The following OR10H1 variants were observed in gnomAD, a reference collection of about 807,000 sequenced individuals.
OR10H1 encodes olfactory receptor family 10 subfamily H member 1, also known as olfactory receptor 10H1.
A neutral mutation model predicts 13.1 loss-of-function variants in OR10H1; 12 were observed. The ratio of observed to expected loss-of-function variants is 0.92; its 90% CI spans 0.59 to 1.48. The LOEUF is 1.48. Among genes scored for constraint, OR10H1 ranks in the 40% most tolerant of loss-of-function variants. The pLI, the probability that OR10H1 is intolerant of heterozygous loss-of-function variation, is 0.00. For synonymous variants in OR10H1, 168 were observed against 175.6 expected, an observed-to-expected ratio of 0.96 and a Z score of 0.34; for missense variants, 363 against 413.1, an observed-to-expected ratio of 0.88 and a Z score of 1.05.
rs752871567 is a variant in OR10H1, at chr19:15,807,056, T to A, written c.*25A>T. ...TTAACAATAGCCTTCGGTAATCCAA[T>A]TTAGTTGTTCCCAGTGAATTTCTCC... On this transcript the variant is annotated 3_prime_UTR_variant, in exon 4 of 4. Coordinates refer to ENST00000641419, the MANE Select transcript of OR10H1 (RefSeq NM_013940.4). 8.2e-6 allele frequency: 13 copies of A among 1,582,630 alleles called. No individual in the cohort carries two copies. The highest frequency in any genetic ancestry group is 1.1e-5 in the Non-Finnish European group (13 of 1,156,832).
At position 15,807,147 on chromosome 19, in the gene OR10H1, C is replaced by T; in HGVS notation, c.891G>A (p.Glu297=). Residue 297 remains glutamate, a synonymous_variant, in exon 4 of 4, where the codon GAG becomes GAA. Coordinates refer to ENST00000641419, the MANE Select transcript of OR10H1 (RefSeq NM_013940.4). ...AGGTCTTCTTCATGGCGACCTTCAG[C>T]TCCTTGTTCCTGAGGCTGAAGATGA... The part of the protein sequence containing the change: ...SPIIFSLRNK[E]LKVAMKKTFF... 1.9e-6 allele frequency: 3 copies of T among 1,614,160 alleles called. No individual in the cohort carries two copies. The highest frequency in any genetic ancestry group is 2.5e-6 in the Non-Finnish European group (3 of 1,180,032).
In OR10H1 at chr19:15,813,324, T is replaced by C. The variant is rs561337991; in HGVS notation, c.-777-446A>G. Among the ~76,000 whole-genome samples, 3 of 152,294 alleles carry C rather than the reference T, an allele frequency of 2.0e-5. No homozygotes were observed. The East Asian group carries it at 5.8e-4, about 29-fold the overall frequency. On this transcript the variant is annotated intron_variant, in intron 1 of 3. Coordinates refer to ENST00000641419, the MANE Select transcript of OR10H1 (RefSeq NM_013940.4). The stretch of plus-strand genomic sequence containing the variant: ...AAAACAAAACCAAACCCATGGTGGA[T>C]GTGGGACTAGGATAGCAGCGAGGAG...
At position 15,808,060 on chromosome 19, in the gene OR10H1, T is replaced by C. The variant is rs1214606334; in HGVS notation, c.-11-12A>G. On this transcript the variant is annotated splice_polypyrimidine_tract_variant and intron_variant, in intron 3 of 3. Transcript: ENST00000641419. ...CATGGAGGCTGTGCCTGGGGTGAGA[T>C]GTGACAGGGAGATGTCAGTTACTGC... The C allele has an allele frequency of 1.3e-6, 2 of 1,589,204 alleles. No homozygotes were observed.
chr19:15,810,751 G>A (rs1259804810), intron 2 of OR10H1, among the ~76,000 whole-genome samples: 3 of 152,176 alleles, frequency 2.0e-5, no homozygotes, highest in Non-Finnish European at 4.4e-5. Context: ...ACTAGGCAAA[G>A]GTGGTGTTAG....
chr19:15,807,758 A>G lies in OR10H1; in HGVS notation c.280T>C (p.Phe94Leu), dbSNP rs908067741. 25 of 1,610,530 alleles carry G rather than the reference A, an allele frequency of 1.6e-5. 1 individual carries two copies. The highest frequency in any genetic ancestry group is 2.0e-5 in the Non-Finnish European group (23 of 1,177,372). ...DLLSTQRSIA[F>L]LACASQMFFS... ...AACATCTGACTGGCACAGGCCAGGA[A>G]GGCGATGGAGCGCTGGGTGGACAGC... The change falls in exon 4 of 4, where the codon TTC becomes CTC. Residue 94 changes from phenylalanine to leucine, a missense_variant. Transcript: ENST00000641419.
rs534351512 is a variant in OR10H1 at position 15,806,979 on chromosome 19, G to C, written c.*102C>G. Reference sequence around the variant, plus strand: ...TGACCTCAGGTGATCCGCCTGCCTCGGCCTCCCAAAGTGCTGGGATTACAG... The same window carrying C: ...TGACCTCAGGTGATCCGCCTGCCTCCGCCTCCCAAAGTGCTGGGATTACAG... On this transcript the variant is annotated 3_prime_UTR_variant, in exon 4 of 4. Transcript: ENST00000641419. The C allele has an allele frequency of 4.5e-6, 5 of 1,104,406 alleles. No individual in the cohort carries two copies. The highest frequency in any genetic ancestry group is 6.6e-6 in the Non-Finnish European group (5 of 759,708). 68.4% of individuals were successfully genotyped at this position (1,104,406 alleles called of 1,614,324 possible). A position where few individuals can be genotyped will look rare whatever the true frequency, so the allele number is the denominator to read the frequency against.
chr19:15,813,581 G>A (rs2088946954), intron 1 of OR10H1, among the ~76,000 whole-genome samples: 1 of 144,696 alleles, frequency 6.9e-6, no homozygotes, highest in African/African-American at 2.6e-5. Flanking sequence ...AGACAGAGAG[G>A]TGGAGACACA....
rs755033326 is a variant in OR10H1 at position 15,807,718 on chromosome 19, A to G, written c.320T>C (p.Phe107Ser). The change falls in exon 4 of 4, where the codon TTC becomes TCC. Residue 107 changes from phenylalanine to serine, a missense_variant. Physicochemically the swap from Phe to Ser is radical, Grantham distance 155 (BLOSUM62 -2). This residue lies in a region of OR10H1 where 318 missense variants were observed against 366.6 expected (regional missense o/e 0.87). Coordinates refer to ENST00000641419, the MANE Select transcript of OR10H1 (RefSeq NM_013940.4). ...GAGCAGGAAGGAGTGGGTGAAGCCG[A>G]AGCTGAAGGAGAAGAACATCTGACT... is the stretch of plus-strand genomic sequence containing the variant. ...CASQMFFSFS[F>S]GFTHSFLLTV... 74 of 1,613,628 alleles carry G rather than the reference A, an allele frequency of 4.6e-5. No homozygotes were observed. The highest frequency in any genetic ancestry group is 5.8e-5 in the Non-Finnish European group (69 of 1,179,750).
In OR10H1 at chr19:15,806,127, C is replaced by G. The variant is rs1007645537; in HGVS notation, c.*954G>C. ...GTGGGGCATGAAATCTTCCCTCTCT[C>G]TTTGCATTGCTGGTTTGCATTATTG... On this transcript the variant is annotated 3_prime_UTR_variant, in exon 4 of 4. Transcript: ENST00000641419. 4.6e-5 allele frequency: 7 copies of G among 152,282 alleles called. No individual in the cohort carries two copies. The highest frequency in any genetic ancestry group is 1.7e-4 in the African/African-American group (7 of 41,568). The allele number at this position is 152,282 out of a possible 1,614,324, so 9.4% of individuals were successfully genotyped here.
chr19:15,814,466 TGTGTGTGTGTGTGTGAGAGAGAGAGA>T (rs1427604018), intron 1 of OR10H1, among the ~76,000 whole-genome samples: 9 of 91,988 alleles, frequency 9.8e-5, no homozygotes, highest in African/African-American at 3.6e-4. Flanking sequence ...TGTGTGTGTG[TGTGTGTGTGTGTGTGAGAGAGAGAGA>T]GAGAGAGAGA....
intron 3 of OR10H1, chr19:15,808,274 T>C (rs1312643668): frequency 1.8e-6 from 1 of 543,586 alleles, no homozygotes; most frequent in Non-Finnish European, 3.3e-6. Context: ...AATATTGAAA[T>C]GTAGAGCTTG....
At chr19:15,814,468 TGTGTGTGTGTGTGAGAGAGAGAGA>T (rs1322780802) in intron 1 of OR10H1, among the ~76,000 whole-genome samples, 26 of 106,408 alleles carry the variant, frequency 2.4e-4, no homozygotes, top group African/African-American at 7.3e-4. Context: ...TGTGTGTGTG[TGTGTGTGTGTGTGAGAGAGAGAGA>T]GAGAGAGAGA....
Position 15,808,040 on chromosome 19 carries a change from A to T in OR10H1, c.-3T>A. 6.2e-7 allele frequency: 1 copy of T among 1,605,964 alleles called. No individual in the cohort carries two copies. On this transcript the variant is annotated 5_prime_UTR_variant, in exon 4 of 4. Transcript: ENST00000641419. ...GTGGAGTGATTGGCTCTCTGCATGGAGGCTGTGCCTGGGGTGAGATGTGAC... is the reference window on the plus strand; with the variant it reads ...GTGGAGTGATTGGCTCTCTGCATGGTGGCTGTGCCTGGGGTGAGATGTGAC...
At chr19:15,811,654 T>C (rs1312191525) in intron 2 of OR10H1, among the ~76,000 whole-genome samples, 1 of 152,146 alleles carries the variant, frequency 6.6e-6, no homozygotes, top group Non-Finnish European at 1.5e-5. Context: ...CCCCTGTTTG[T>C]TGTTAAGATT....
intron 1 of OR10H1, among the ~76,000 whole-genome samples, chr19:15,813,209 G>T (rs1030698257): frequency 2.0e-5 from 3 of 151,894 alleles, no homozygotes. Flanking sequence ...CGGAGAGAGG[G>T]TATATGGAGA....
At chr19:15,811,721 A>G (rs963217564) in intron 2 of OR10H1, among the ~76,000 whole-genome samples, 2 of 152,188 alleles carry the variant, frequency 1.3e-5, no homozygotes, top group African/African-American at 4.8e-5. Context: ...CCCAAGGCAT[A>G]TTAAGCCACC....
intron 1 of OR10H1, among the ~76,000 whole-genome samples, chr19:15,814,356 T>G (rs1450717385): frequency 1.3e-5 from 2 of 151,810 alleles, no homozygotes; most frequent in Non-Finnish European, 2.9e-5. Context: ...CTCTTCCACT[T>G]AAGCCACCAC....
intron 2 of OR10H1, among the ~76,000 whole-genome samples, chr19:15,811,224 C>T (rs60930972): frequency 0.3 from 45,995 of 152,042 alleles, 7,782 homozygotes; most frequent in African/African-American, 0.45. Context: ...CACCATGTCC[C>T]GCCACTCTGA....
intron 1 of OR10H1, among the ~76,000 whole-genome samples, chr19:15,813,933 G>C (rs1439187391): frequency 1.3e-5 from 2 of 152,002 alleles, no homozygotes; most frequent in Non-Finnish European, 2.9e-5. Context: ...AAGAAAGAGA[G>C]AGAGCAAGCA....
Sources: gnomAD v4.1 joint callset for allele counts (sites outside exome capture counted in the v4.1 genomes callset) on GRCh38, gnomAD v4.1.1 for gene constraint, gnomAD v4.1.1 regional missense constraint, MANE v1.5 for transcripts, NCBI Gene and HGNC (gene_info 2026-07-23, HGNC 2026-07-21) for gene names.